The following SYNE1 variants were observed in gnomAD, a reference collection of about 807,000 sequenced individuals.
SYNE1 encodes the protein nesprin-1.
A neutral mutation model predicts 1,111.0 loss-of-function variants in SYNE1; 616 were observed. That is an observed-to-expected ratio of 0.55 (90% confidence interval 0.52 to 0.59). SYNE1 has a LOEUF of 0.59. Among genes scored for constraint, SYNE1 ranks in the 20% least tolerant of loss-of-function variants. The pLI, the probability that SYNE1 is intolerant of heterozygous loss-of-function variation, is 0.00. For synonymous variants in SYNE1, 3,855 were observed against 3,825.8 expected (o/e 1.01, Z -0.28); for missense variants, 10,006 against 10,417.0 (o/e 0.96, Z 1.72).
At chr6:152,288,002 T>C (rs1014813371) in intron 95 of SYNE1, among the ~76,000 whole-genome samples, 4 of 152,264 alleles carry the variant, frequency 2.6e-5, no homozygotes, top group Admixed American at 2.6e-4. Context: ...AAAACTTCCA[T>C]TCAGTAAATT....
At chr6:152,283,326 T>C (rs1234796355) in intron 96 of SYNE1, among the ~76,000 whole-genome samples, 1 of 152,224 alleles carries the variant, frequency 6.6e-6, no homozygotes, top group Admixed American at 6.5e-5. Context: ...GTTAGTAATA[T>C]CATCCATCAA....
rs760935405 is a variant in SYNE1, at chr6:152,326,344, C to G, written c.15245G>C (p.Ser5082Thr). The change falls in exon 79 of 146, where the codon AGC becomes ACC. Residue 5082 changes from serine (S) to threonine (T), a missense_variant. Around this residue, in one of 7 missense-constraint regions of SYNE1, gnomAD observed 4,955 missense variants for 5,017.2 expected, o/e 0.99. Transcript: ENST00000367255. The stretch of plus-strand genomic sequence containing the variant: ...ACCAGAGTCCCGGCTCATCCTCTGG[C>G]TCCTGAGTTCCAGAGAAGCCACTTT... Reference protein sequence around the residue: ...EQKVASLELRSQRMSRDSGAQ... With the variant: ...EQKVASLELRTQRMSRDSGAQ... 1.9e-6 allele frequency: 3 copies of G among 1,614,122 alleles called. No individual in the cohort carries two copies. The highest frequency in any genetic ancestry group is 1.7e-6 in the Non-Finnish European group (2 of 1,179,988).
Position 152,122,443 on chromosome 6 carries a change from G to A in SYNE1, c.26387C>T (p.Pro8796Leu), listed in dbSNP as rs1334766074. ...PMLRYTNGPP[P>L]L ...AGATGGCATCTGCTTAGTTCAGAGT[G>A]GAGGAGGGCCATTCGTGTATCTGAG... Residue 8796 changes from proline (P) to leucine (L), a missense_variant, in exon 146 of 146, where the codon CCA becomes CTA. Around this residue, in one of 7 missense-constraint regions of SYNE1, gnomAD observed 761 missense variants for 795.5 expected, o/e 0.96. Coordinates refer to ENST00000367255, the MANE Select transcript of SYNE1 (RefSeq NM_182961.4). 1 of 1,614,162 alleles carries A rather than the reference G, an allele frequency of 6.2e-7. No individual in the cohort carries two copies. Among genetic ancestry groups the A allele is most frequent in the Non-Finnish European group, 8.5e-7 (1 of 1,180,044 alleles).
chr6:152,338,390 G>A (rs2096454185), intron 75 of SYNE1, among the ~76,000 whole-genome samples: 2 of 152,146 alleles, frequency 1.3e-5, no homozygotes, highest in African/African-American at 2.4e-5. Flanking sequence ...GGTAGGCCAA[G>A]GAGGGAGGAT....
intron 15 of SYNE1, 55 bp from the exon 16 acceptor site, chr6:152,471,820 T>C (rs1180530005): frequency 6.4e-7 from 1 of 1,550,668 alleles, no homozygotes; most frequent in Non-Finnish European, 8.9e-7. Context: ...ACAGAACTGA[T>C]GCTTACTTAA....
intron 55 of SYNE1, among the ~76,000 whole-genome samples, chr6:152,383,611 A>T (rs1164660188): frequency 6.6e-6 from 1 of 152,056 alleles, no homozygotes; most frequent in Non-Finnish European, 1.5e-5. Context: ...CTACCTTTCA[A>T]ATCATTTTCT....
At chr6:152,186,594 A>AAAAG (rs2070124500) in intron 128 of SYNE1, among the ~76,000 whole-genome samples, 1 of 128,042 alleles carries the variant, frequency 7.8e-6, no homozygotes, top group Non-Finnish European at 1.6e-5. Context: ...AAAAAAAAAA[A>AAAAG]AAGAAGAAGA....
At position 152,326,632 on chromosome 6, in the gene SYNE1, G is replaced by A. The variant is rs778889290; in HGVS notation, c.14957C>T (p.Ala4986Val). 1.7e-5 allele frequency: 28 copies of A among 1,612,830 alleles called. No homozygotes were observed. Among genetic ancestry groups the A allele is most frequent in the Non-Finnish European group, 2.4e-5 (28 of 1,179,802 alleles). Residue 4986 changes from alanine to valine, a missense_variant and splice_region_variant, in exon 79 of 146, where the codon GCT (alanine) becomes GTT (valine). By Grantham distance (64) the Ala-to-Val change is moderately conservative. Coordinates refer to ENST00000367255, the MANE Select transcript of SYNE1 (RefSeq NM_182961.4). Reference protein sequence around the residue: ...DIQEALRTRQATLTEIYSQCQ... With the variant: ...DIQEALRTRQVTLTEIYSQCQ... ...CTGGCTATATATTTCAGTCAAGGTA[G>A]CCTGAAAAACAGCAATTGCAAACAT...
chr6:152,444,278 A>G (rs1318739757), intron 30 of SYNE1, 133 bp downstream of exon 30: 1 of 931,782 alleles, frequency 1.1e-6, no homozygotes, highest in African/African-American at 1.6e-5. Flanking sequence ...AAATTCTTTT[A>G]GCCATTCAAC....
chr6:152,401,899 G>T (rs1314906583), intron 46 of SYNE1, among the ~76,000 whole-genome samples: 2 of 152,100 alleles, frequency 1.3e-5, no homozygotes, highest in East Asian at 3.9e-4. Flanking sequence ...ACTATACATT[G>T]AAAAACAATC....
intron 78 of SYNE1, among the ~76,000 whole-genome samples, chr6:152,329,303 A>T (rs553890730): frequency 2.6e-5 from 4 of 152,346 alleles, no homozygotes; most frequent in Admixed American, 1.3e-4. Context: ...AGGCAGGCAG[A>T]TCGTTTGACG....
chr6:152,324,549 T>C (rs2095994223), intron 81 of SYNE1, among the ~76,000 whole-genome samples: 1 of 152,152 alleles, frequency 6.6e-6, no homozygotes, highest in South Asian at 2.1e-4. Context: ...ATCCCAGCAC[T>C]TGGCGGGGGC....
At chr6:152,323,440 A>C in intron 82 of SYNE1, 38 bp downstream of exon 82, 2 of 1,605,246 alleles carry the variant, frequency 1.2e-6, no homozygotes, top group Non-Finnish European at 1.7e-6. Flanking sequence ...CTCCAAACAA[A>C]CAAACAAACA....
chr6:152,135,137 T>C lies in SYNE1; in HGVS notation c.25755A>G (p.Ala8585=). The C allele has an allele frequency of 1.9e-6, 3 of 1,614,194 alleles. No individual in the cohort carries two copies. The highest frequency in any genetic ancestry group is 8.5e-7 in the Non-Finnish European group (1 of 1,180,026). The change falls in exon 142 of 146, where the codon GCA becomes GCG. Residue 8585 remains alanine (A), a synonymous_variant. Transcript: ENST00000367255. ...EIVPIDSNLD[A]EILQDHHKQL... ...GTTTGTGATGGTCCTGAAGTATCTC[T>C]GCATCAAGGTTAGAATCAATAGGGA...
At chr6:152,540,124 T>A in intron 3 of SYNE1, 103 bp from the exon 4 acceptor site, 1 of 1,182,082 alleles carries the variant, frequency 8.5e-7, no homozygotes, top group South Asian at 1.3e-5. Flanking sequence ...CGTGAAATCG[T>A]TTTCTCATTC....
chr6:152,568,119 T>G (rs2099422525), intron 3 of SYNE1, among the ~76,000 whole-genome samples: 1 of 151,944 alleles, frequency 6.6e-6, no homozygotes, highest in Admixed American at 6.6e-5. Context: ...ATAGTAAATA[T>G]GCTTAATAAT....
chr6:152,303,640 A>G (rs2095277870), intron 91 of SYNE1, among the ~76,000 whole-genome samples: 1 of 152,198 alleles, frequency 6.6e-6, no homozygotes, highest in Non-Finnish European at 1.5e-5. Flanking sequence ...TAGTATTTGC[A>G]TATAACCTAT....
intron 32 of SYNE1, among the ~76,000 whole-genome samples, chr6:152,439,338 A>G (rs1403756097): frequency 6.6e-6 from 1 of 152,196 alleles, no homozygotes; most frequent in Non-Finnish European, 1.5e-5. Flanking sequence ...AATTAACCCA[A>G]TAAACATCTT....
intron 14 of SYNE1, among the ~76,000 whole-genome samples, chr6:152,478,805 G>T (rs557329573): frequency 6.6e-6 from 1 of 152,100 alleles, no homozygotes; most frequent in African/African-American, 2.4e-5. Flanking sequence ...TAGTCATCGC[G>T]CCTGGGGGTG....
Sources: gnomAD v4.1 joint callset for allele counts (sites outside exome capture counted in the v4.1 genomes callset) on GRCh38, gnomAD v4.1.1 for gene constraint, gnomAD v4.1.1 regional missense constraint, MANE v1.5 for transcripts, NCBI Gene and HGNC (gene_info 2026-07-23, HGNC 2026-07-21) for gene names.